NLRP14: variants seen among roughly 807,000 people sequenced by gnomAD.
The protein encoded by NLRP14 is NACHT, LRR and PYD domains-containing protein 14.
In NLRP14, 105 loss-of-function variants were observed where a neutral mutation model predicts 94.7. That is an observed-to-expected ratio of 1.11 (90% CI 0.95 to 1.30). NLRP14 has a LOEUF of 1.30. Ranked by LOEUF, NLRP14 falls within the 50% of genes most tolerant of loss-of-function variation. The pLI, the probability that NLRP14 is intolerant of heterozygous loss-of-function variation, is 0.00. For missense variants in NLRP14, 1,362 were observed against 1,254.1 expected (o/e 1.09, Z -1.30); for synonymous variants, 508 against 459.9 (o/e 1.10, Z -1.34).
At chr11:7,063,212 A>G (rs558592174) in intron 10 of NLRP14, among the ~76,000 whole-genome samples, 1 of 152,212 alleles carries the variant, frequency 6.6e-6, no homozygotes, top group East Asian at 1.9e-4. Context: ...CCTACTTACA[A>G]CCTAATAAAT....
chr11:7,057,325 A>G lies in NLRP14; in HGVS notation c.2292-352A>G, dbSNP rs78670299. On this transcript the variant is annotated intron_variant, in intron 6 of 11. Transcript: ENST00000299481. The stretch of plus-strand genomic sequence containing the variant: ...CCATTTCTGTTCTGTTTCAGAAGTC[A>G]GAGTGTAGAATACAGTCATCCTTCA... Among the ~76,000 whole-genome samples the G allele has an allele frequency of 2.0e-5, 3 of 152,166 alleles. No homozygotes were observed. The East Asian group carries it at 5.8e-4, about 29-fold the overall frequency.
chr11:7,038,959 T>C, intron 2 of NLRP14, 84 bp downstream of exon 2: 1 of 1,340,460 alleles, frequency 7.5e-7, no homozygotes. Context: ...GTAAGAGGGA[T>C]TTAGGGATTA....
intron 1 of NLRP14, among the ~76,000 whole-genome samples, chr11:7,031,687 C>A (rs1319526767): frequency 6.6e-6 from 1 of 152,130 alleles, no homozygotes. Flanking sequence ...GGTGTTCGTC[C>A]TTCAGTCTGA....
chr11:7,072,199 G>T (rs1383957907), downstream of NLRP14, among the ~76,000 whole-genome samples: 1 of 152,204 alleles, frequency 6.6e-6, no homozygotes, highest in African/African-American at 2.4e-5. Context: ...ACTCCACATG[G>T]TATTACTTGG....
intron 6 of NLRP14, among the ~76,000 whole-genome samples, chr11:7,051,717 G>C (rs1171034498): frequency 6.6e-6 from 1 of 152,124 alleles, no homozygotes; most frequent in Non-Finnish European, 1.5e-5. Context: ...CTGCCTCCTG[G>C]GTTCAAGCGA....
intron 1 of NLRP14, among the ~76,000 whole-genome samples, chr11:7,026,493 AAGTC>A (rs951767239): frequency 1.4e-4 from 21 of 152,158 alleles, no homozygotes; most frequent in Non-Finnish European, 2.6e-4. Context: ...AATCATTAAA[AAGTC>A]AGGAAAAAAC....
chr11:7,080,673 G>A, the NLRP14 span, among the ~76,000 whole-genome samples: 1 of 152,114 alleles, frequency 6.6e-6, no homozygotes, highest in African/African-American at 2.4e-5. Context: ...ATAGCAGTGT[G>A]CTTAACCAAT....
At chr11:7,063,710 T>C (rs1414367419) in intron 10 of NLRP14, among the ~76,000 whole-genome samples, 1 of 152,068 alleles carries the variant, frequency 6.6e-6, no homozygotes, top group Admixed American at 6.6e-5. Flanking sequence ...CCAAATCTGT[T>C]CAGTTAATCT....
chr11:7,031,638 C>A (rs1238370864), intron 1 of NLRP14, among the ~76,000 whole-genome samples: 1 of 152,194 alleles, frequency 6.6e-6, no homozygotes, highest in Non-Finnish European at 1.5e-5. Context: ...CCAGCCTTGA[C>A]GAATGGAGGC....
At position 7,027,217 on chromosome 11, in the gene NLRP14, A is replaced by G. The variant is rs529980192; in HGVS notation, c.-22+6447A>G. Among the ~76,000 whole-genome samples, 7 of 151,712 alleles carry G rather than the reference A, an allele frequency of 4.6e-5. No individual in the cohort carries two copies. The South Asian group carries it at 1.5e-3, about 32-fold the overall frequency. On this transcript the variant is annotated intron_variant, in intron 1 of 11. Transcript: ENST00000299481. Reference sequence around the variant, plus strand: ...GTATGCTGTCATTTCTCTAAAACAAAACAATAAAATTTTCTGGGGCCCTGT... The same window carrying G: ...GTATGCTGTCATTTCTCTAAAACAAGACAATAAAATTTTCTGGGGCCCTGT...
intron 1 of NLRP14, among the ~76,000 whole-genome samples, chr11:7,036,797 T>C (rs960081974): frequency 2.0e-5 from 3 of 152,058 alleles, no homozygotes; most frequent in Non-Finnish European, 2.9e-5. Context: ...AGTTTGACTA[T>C]GAAGATGAAG....
chr11:7,022,271 TG>T (rs1272223994), intron 1 of NLRP14, among the ~76,000 whole-genome samples: 2 of 152,096 alleles, frequency 1.3e-5, no homozygotes, highest in African/African-American at 4.8e-5. Context: ...CCAGCTTTGA[TG>T]GGGGTCCTGG....
At position 7,043,088 on chromosome 11, in the gene NLRP14, T is replaced by G; in HGVS notation, c.1062T>G (p.Ser354Arg). 6.2e-7 allele frequency: 1 copy of G among 1,614,172 alleles called. No individual in the cohort carries two copies. Among genetic ancestry groups the G allele is most frequent in the Middle Eastern group, 1.6e-4 (1 of 6,062 alleles). The change falls in exon 4 of 12, where the codon AGT becomes AGG. Residue 354 changes from serine to arginine, a missense_variant. Coordinates refer to ENST00000299481, the MANE Select transcript of NLRP14 (RefSeq NM_176822.4). Reference sequence around the variant, plus strand: ...AGAGGTGGGCCATGAAAGTATTCAGTTCACTAAAAAGCAATGAGATGCTGT... The same window carrying G: ...AGAGGTGGGCCATGAAAGTATTCAGGTCACTAAAAAGCAATGAGATGCTGT... ...EDKRWAMKVF[S>R]SLKSNEMLFS...
intron 10 of NLRP14, among the ~76,000 whole-genome samples, chr11:7,062,983 A>C (rs1222514864): frequency 6.6e-6 from 1 of 152,104 alleles, no homozygotes; most frequent in African/African-American, 2.4e-5. Context: ...ATTTTCACTT[A>C]TACAACATGA....
chr11:7,090,011 G>A, the NLRP14 span: 16 of 1,613,168 alleles, frequency 9.9e-6, no homozygotes, highest in Non-Finnish European at 1.4e-5. Context: ...CAGGACGGGG[G>A]ACACCGCCAT....
In NLRP14 at chr11:7,038,629, C is replaced by A. The variant is rs1565014142; in HGVS notation, c.43C>A (p.Leu15Met). 2 of 1,613,770 alleles carry A rather than the reference C, an allele frequency of 1.2e-6. No homozygotes were observed. Among genetic ancestry groups the A allele is most frequent in the Non-Finnish European group, 1.7e-6 (2 of 1,179,948 alleles). Residue 15 changes from leucine (L) to methionine (M), a missense_variant, in exon 2 of 12, where the codon CTG becomes ATG. Leu to Met is a conservative substitution (Grantham distance 15). Coordinates refer to ENST00000299481, the MANE Select transcript of NLRP14 (RefSeq NM_176822.4). Reference protein sequence around the residue: ...SSSSFFPDFGLLLYLEELNKE... With the variant: ...SSSSFFPDFGMLLYLEELNKE... ...ATCTTCTTTCTTTCCTGATTTTGGGCTGCTATTGTATTTGGAGGAGCTAAA... is the reference window on the plus strand; with the variant it reads ...ATCTTCTTTCTTTCCTGATTTTGGGATGCTATTGTATTTGGAGGAGCTAAA...
rs144503178 is a variant in NLRP14 at position 7,049,277 on chromosome 11, G to A, written c.2124-394G>A. On this transcript the variant is annotated intron_variant, in intron 5 of 11. Transcript: ENST00000299481. ...AGATGGCACAGCATGTTTTGCAACA[G>A]CGTTTTGTTATTACTGCACATCAGA... 6.6e-5 allele frequency among the ~76,000 whole-genome samples: 10 copies of A among 152,310 alleles called. No individual in the cohort carries two copies. In the East Asian group the frequency reaches 1.7e-3, roughly 26 times the overall value.
chr11:7,052,221 T>C (rs1428321962), intron 6 of NLRP14, among the ~76,000 whole-genome samples: 2 of 152,202 alleles, frequency 1.3e-5, no homozygotes, highest in Non-Finnish European at 2.9e-5. Context: ...GAATGATTGT[T>C]GCTTCCACAA....
chr11:7,090,116 G>T, the NLRP14 span: 2 of 1,612,418 alleles, frequency 1.2e-6, no homozygotes, highest in Non-Finnish European at 1.7e-6. Context: ...GTTATGGCCG[G>T]AGCGACCGCT....
Sources: gnomAD v4.1 joint callset for allele counts (sites outside exome capture counted in the v4.1 genomes callset) on GRCh38, gnomAD v4.1.1 for gene constraint, MANE v1.5 for transcripts, NCBI Gene and HGNC (gene_info 2026-07-23, HGNC 2026-07-21) for gene names.